Variants in VAT1L observed in about 807,000 individuals in gnomAD.
VAT1L encodes vesicle amine transport 1 like.
Under a neutral mutation model 44.1 loss-of-function variants are expected in VAT1L, and 34 were observed. That is an observed-to-expected ratio of 0.77 (90% confidence interval 0.59 to 1.03). The LOEUF (loss-of-function observed/expected upper bound fraction) is 1.03. Among genes scored for constraint, VAT1L ranks in the 50% least tolerant of loss-of-function variants. The pLI is 0.00. For missense variants in VAT1L, 615 were observed against 538.8 expected, an observed-to-expected ratio of 1.14 and a Z score of -1.40; for synonymous variants, 253 against 202.2, an observed-to-expected ratio of 1.25 and a Z score of -2.13.
chr16:77,942,965 A>C (rs985720252), intron 7 of VAT1L, among the ~76,000 whole-genome samples: 9 of 151,560 alleles, frequency 5.9e-5, no homozygotes, highest in Admixed American at 3.3e-4. Context: ...GGCTGGTTTC[A>C]AACTCCTGAT....
At chr16:77,898,133 C>A (rs1413213355) in intron 7 of VAT1L, among the ~76,000 whole-genome samples, 1 of 152,174 alleles carries the variant, frequency 6.6e-6, no homozygotes, top group Non-Finnish European at 1.5e-5. Flanking sequence ...TTCATCTTCA[C>A]AAGGCATTCC....
At chr16:77,822,323 G>A (rs796108724) in intron 2 of VAT1L, among the ~76,000 whole-genome samples, 23 of 152,122 alleles carry the variant, frequency 1.5e-4, no homozygotes, top group African/African-American at 5.3e-4. Context: ...TAGTAGAGAC[G>A]GGGTTTCTCC....
intron 7 of VAT1L, among the ~76,000 whole-genome samples, chr16:77,932,181 G>A (rs2017739229): frequency 7.2e-6 from 1 of 139,154 alleles, no homozygotes; most frequent in Non-Finnish European, 1.5e-5. Context: ...TTGGATCATT[G>A]CAAGCTCTGC....
chr16:77,831,719 G>A (rs547578513), intron 3 of VAT1L, among the ~76,000 whole-genome samples: 2 of 152,116 alleles, frequency 1.3e-5, no homozygotes, highest in Non-Finnish European at 2.9e-5. Flanking sequence ...GACTGAAAAG[G>A]GCCATTAATG....
At chr16:77,948,479 C>T (rs879401802) in intron 7 of VAT1L, among the ~76,000 whole-genome samples, 3 of 152,076 alleles carry the variant, frequency 2.0e-5, no homozygotes, top group Admixed American at 1.3e-4. Context: ...CTGGAACTGT[C>T]GTTATAGTTG....
intron 3 of VAT1L, among the ~76,000 whole-genome samples, chr16:77,828,805 G>C (rs1008959514): frequency 1.3e-5 from 2 of 152,210 alleles, no homozygotes; most frequent in African/African-American, 4.8e-5. Flanking sequence ...GATGCTGGAA[G>C]AGGCAGGAAA....
chr16:77,912,794 G>T (rs1156660004), intron 7 of VAT1L, among the ~76,000 whole-genome samples: 1 of 152,118 alleles, frequency 6.6e-6, no homozygotes, highest in East Asian at 1.9e-4. Flanking sequence ...AGTTCTGGAG[G>T]CTCGCAAGTT....
chr16:77,944,606 G>A (rs1274049067), intron 7 of VAT1L, among the ~76,000 whole-genome samples: 4 of 152,142 alleles, frequency 2.6e-5, no homozygotes, highest in Non-Finnish European at 5.9e-5. Context: ...GAAGATTAAA[G>A]GAGATAATGC....
At chr16:77,858,444 A>G (rs767093751) in intron 3 of VAT1L, among the ~76,000 whole-genome samples, 17 of 152,220 alleles carry the variant, frequency 1.1e-4, no homozygotes, top group Non-Finnish European at 2.1e-4. Flanking sequence ...GAAAAATAGT[A>G]AGAGAGGACT....
chr16:77,830,944 A>G (rs940494699), intron 3 of VAT1L, among the ~76,000 whole-genome samples: 5 of 152,208 alleles, frequency 3.3e-5, no homozygotes, highest in Non-Finnish European at 7.3e-5. Flanking sequence ...TCGGCCTCCC[A>G]AAGTGCTGGG....
intron 7 of VAT1L, among the ~76,000 whole-genome samples, chr16:77,947,758 C>T (rs2017987833): frequency 6.6e-6 from 1 of 152,168 alleles, no homozygotes; most frequent in Non-Finnish European, 1.5e-5. Flanking sequence ...AAAATGCCTA[C>T]CTCCCTCTGT....
At chr16:77,847,130 G>A (rs1480890649) in intron 3 of VAT1L, among the ~76,000 whole-genome samples, 1 of 151,886 alleles carries the variant, frequency 6.6e-6, no homozygotes, top group Non-Finnish European at 1.5e-5. Flanking sequence ...TGTATCAGGA[G>A]AACTTACTAA....
chr16:77,812,259 G>C (rs752957104), intron 1 of VAT1L, among the ~76,000 whole-genome samples: 7 of 152,034 alleles, frequency 4.6e-5, no homozygotes, highest in Non-Finnish European at 7.4e-5. Flanking sequence ...TTTTAGTAGA[G>C]ATAGGGTTTC....
At chr16:77,950,479 C>G (rs1176859600) in intron 7 of VAT1L, among the ~76,000 whole-genome samples, 5 of 143,480 alleles carry the variant, frequency 3.5e-5, no homozygotes, top group Admixed American at 2.8e-4. Flanking sequence ...AAAATGAAAA[C>G]TAGCCCTAAC....
At chr16:77,928,919 C>T (rs1046586675) in intron 7 of VAT1L, among the ~76,000 whole-genome samples, 1 of 152,072 alleles carries the variant, frequency 6.6e-6, no homozygotes, top group African/African-American at 2.4e-5. Flanking sequence ...CGGGTTCAAG[C>T]GATCCTGCCT....
chr16:77,811,356 T>C (rs1343961562), intron 1 of VAT1L, among the ~76,000 whole-genome samples: 1 of 152,212 alleles, frequency 6.6e-6, no homozygotes, highest in Admixed American at 6.5e-5. Context: ...TCTTTTGTCA[T>C]CCACTTAGTG....
chr16:77,884,946 C>T lies in VAT1L; in HGVS notation c.1077+144C>T, dbSNP rs2142461678. ...AGGGTCCTAAAAGTCACCTGTACCA[C>T]AGAATAGTACTTTGGATATAAGAAA... is the stretch of plus-strand genomic sequence containing the variant. On this transcript the variant is annotated intron_variant, in intron 7 of 8. Coordinates refer to ENST00000302536, the MANE Select transcript of VAT1L (RefSeq NM_020927.3). The surrounding 1 kb of genome is among the most constrained non-coding windows in gnomAD (Gnocchi z 4.5). 1 of 798,196 alleles carries T rather than the reference C, an allele frequency of 1.3e-6. No homozygotes were observed. 49.4% of individuals were successfully genotyped at this position (798,196 alleles called of 1,614,324 possible). A position where few individuals can be genotyped will look rare whatever the true frequency, so the allele number is the denominator to read the frequency against.
At chr16:77,969,598 G>T (rs1216662202) in intron 7 of VAT1L, among the ~76,000 whole-genome samples, 1 of 152,092 alleles carries the variant, frequency 6.6e-6, no homozygotes, top group Admixed American at 6.6e-5. Flanking sequence ...GAGAAAGAGG[G>T]ACTGCAAGAT....
At chr16:77,917,637 T>G (rs747462021) in intron 7 of VAT1L, among the ~76,000 whole-genome samples, 29 of 152,188 alleles carry the variant, frequency 1.9e-4, no homozygotes, top group Non-Finnish European at 3.4e-4. Context: ...AAACGGAGAC[T>G]CGAAAGAACT....
Sources: gnomAD v4.1 joint callset for allele counts (sites outside exome capture counted in the v4.1 genomes callset) on GRCh38, gnomAD v4.1.1 for gene constraint, Gnocchi (gnomAD v3.1) non-coding constraint, MANE v1.5 for transcripts, NCBI Gene and HGNC (gene_info 2026-07-23, HGNC 2026-07-21) for gene names.